The following CAMTA1 variants were observed in gnomAD, a reference collection of about 807,000 sequenced individuals.
CAMTA1 encodes calmodulin-binding transcription activator 1.
A neutral mutation model predicts 170.9 loss-of-function variants in CAMTA1; 27 were observed. The ratio of observed to expected loss-of-function variants is 0.16; its 90% confidence interval spans 0.12 to 0.22. CAMTA1 has a LOEUF of 0.22. CAMTA1 is among the 10% of genes least tolerant of loss of function. CAMTA1 has a pLI of 1.00. For missense variants in CAMTA1, 1,619 were observed against 2,217.2 expected (o/e 0.73, Z 5.42); for synonymous variants, 833 against 891.5 (o/e 0.93, Z 1.17).
At chr1:7,524,060 G>T (rs2094401289) in intron 6 of CAMTA1, among the ~76,000 whole-genome samples, 1 of 151,346 alleles carries the variant, frequency 6.6e-6, no homozygotes, top group Admixed American at 6.6e-5. Flanking sequence ...AAATTAGCTG[G>T]GCATGGTGAT....
chr1:7,521,203 G>T (rs2094360653), intron 6 of CAMTA1, among the ~76,000 whole-genome samples: 1 of 152,110 alleles, frequency 6.6e-6, no homozygotes, highest in South Asian at 2.1e-4. Flanking sequence ...GGTAGACAGG[G>T]TGATTGTTTC....
At chr1:7,277,629 G>GT (rs886681174) in intron 5 of CAMTA1, among the ~76,000 whole-genome samples, 158 of 152,144 alleles carry the variant, frequency 1.0e-3, no homozygotes, top group African/African-American at 3.8e-3. Flanking sequence ...AATAAAAGCA[G>GT]TTTTTTCTTC....
intron 5 of CAMTA1, among the ~76,000 whole-genome samples, chr1:7,332,237 G>A (rs1250751507): frequency 6.6e-6 from 1 of 151,882 alleles, no homozygotes; most frequent in Non-Finnish European, 1.5e-5. Flanking sequence ...GGGAACACAT[G>A]TTTATTTTAT....
chr1:7,139,431 G>A (rs868581450), intron 4 of CAMTA1, among the ~76,000 whole-genome samples: 1 of 151,136 alleles, frequency 6.6e-6, no homozygotes, highest in Non-Finnish European at 1.5e-5. Context: ...AACCCTCTCC[G>A]AGGCTGTGGT....
intron 6 of CAMTA1, among the ~76,000 whole-genome samples, chr1:7,535,116 G>A (rs961879125): frequency 3.3e-5 from 5 of 152,166 alleles, no homozygotes; most frequent in African/African-American, 1.2e-4. Flanking sequence ...CAGCAAGGCC[G>A]GCAGGTCCAT....
chr1:7,223,724 T>C (rs1364961479), intron 4 of CAMTA1, among the ~76,000 whole-genome samples: 1 of 152,210 alleles, frequency 6.6e-6, no homozygotes. Context: ...ATTGCCAGGC[T>C]TATATTTGCT....
intron 5 of CAMTA1, among the ~76,000 whole-genome samples, chr1:7,273,943 C>G (rs1050287407): frequency 6.6e-6 from 1 of 151,974 alleles, no homozygotes; most frequent in Non-Finnish European, 1.5e-5. Flanking sequence ...ATATATATTG[C>G]AAATCCTAGA....
chr1:6,982,681 G>T (rs1311570300), intron 3 of CAMTA1, among the ~76,000 whole-genome samples: 1 of 152,188 alleles, frequency 6.6e-6, no homozygotes, highest in Non-Finnish European at 1.5e-5. Context: ...CACGCAGTTG[G>T]CAGAGCATGG....
At chr1:7,208,333 A>C (rs1305812793) in intron 4 of CAMTA1, among the ~76,000 whole-genome samples, 2 of 152,366 alleles carry the variant, frequency 1.3e-5, no homozygotes, top group East Asian at 3.9e-4. Flanking sequence ...CTTCATTGAA[A>C]ATTCTGCAAT....
intron 4 of CAMTA1, among the ~76,000 whole-genome samples, chr1:7,214,126 C>T (rs61780001): frequency 0.64 from 96,724 of 152,010 alleles, 31,527 homozygotes; most frequent in African/African-American, 0.78. Flanking sequence ...ATATACCCAG[C>T]AATGGGATGG....
chr1:6,920,987 A>T (rs1270242603), intron 3 of CAMTA1, among the ~76,000 whole-genome samples: 1 of 152,214 alleles, frequency 6.6e-6, no homozygotes, highest in East Asian at 1.9e-4. Context: ...TGTCTTGGGG[A>T]CTAACATTCG....
At chr1:7,490,749 T>A (rs1575588328) in intron 6 of CAMTA1, among the ~76,000 whole-genome samples, 1 of 152,302 alleles carries the variant, frequency 6.6e-6, no homozygotes, top group East Asian at 1.9e-4. Context: ...TTTTGAGGTC[T>A]GTGCTAGAAG....
chr1:7,043,204 G>A (rs1400772942), intron 3 of CAMTA1, among the ~76,000 whole-genome samples: 1 of 152,188 alleles, frequency 6.6e-6, no homozygotes, highest in Non-Finnish European at 1.5e-5. Flanking sequence ...GTGCATCGGG[G>A]CCTCACTCAG....
chr1:7,310,644 CTT>C lies in CAMTA1; in HGVS notation c.438+61023_438+61024del, dbSNP rs752527605. 1.5e-3 allele frequency among the ~76,000 whole-genome samples: 90 copies of C among 61,378 alleles called. 3 individuals carry two copies. Among genetic ancestry groups the C allele is most frequent in the African/African-American group, 4.1e-3 (60 of 14,672 alleles). The allele number at this position is 61,378 out of a possible 152,430, so 40.3% of individuals were successfully genotyped here. A position where few individuals can be genotyped will look rare whatever the true frequency, so the allele number is the denominator to read the frequency against. ...TCTTTCTTTCTTTCTTTCTTTCTTT[CTT>C]TTTTCTTTCTTTCTTTCTTTCTTTC... On this transcript the variant is annotated intron_variant, in intron 5 of 22. Transcript: ENST00000303635.
Position 7,547,503 on chromosome 1 carries a change from T to G in CAMTA1, c.510+79602T>G, listed in dbSNP as rs1435118605. 1.3e-5 allele frequency among the ~76,000 whole-genome samples: 2 copies of G among 152,200 alleles called. No homozygotes were observed. The highest frequency in any genetic ancestry group is 4.8e-5 in the African/African-American group (2 of 41,432). ...ACCAAACATATTTTTTTCTTATGAT[T>G]ATTCCCTAAATAAAACAGTATAAGA... On this transcript the variant is annotated intron_variant, in intron 6 of 22. Coordinates refer to ENST00000303635, the MANE Select transcript of CAMTA1 (RefSeq NM_015215.4). The surrounding 1 kb of genome is among the most constrained non-coding windows in gnomAD (Gnocchi z 5.7).
intron 3 of CAMTA1, among the ~76,000 whole-genome samples, chr1:6,927,539 A>G (rs1310748764): frequency 6.6e-6 from 1 of 152,250 alleles, no homozygotes; most frequent in African/African-American, 2.4e-5. Flanking sequence ...GCACTGGACA[A>G]CTGTAAAATC....
intron 5 of CAMTA1, among the ~76,000 whole-genome samples, chr1:7,408,955 C>G (rs74949771): frequency 6.6e-6 from 1 of 152,194 alleles, no homozygotes; most frequent in African/African-American, 2.4e-5. Flanking sequence ...CATATGAAAG[C>G]AACAGAGGCC....
chr1:7,209,441 A>T (rs186236823), intron 4 of CAMTA1, among the ~76,000 whole-genome samples: 3 of 152,322 alleles, frequency 2.0e-5, no homozygotes, highest in Admixed American at 2.0e-4. Flanking sequence ...AGGCTGTGTG[A>T]GTAAAAGGAG....
At chr1:7,636,655 G>A (rs948908995) in intron 6 of CAMTA1, among the ~76,000 whole-genome samples, 3 of 151,760 alleles carry the variant, frequency 2.0e-5, no homozygotes, top group Admixed American at 2.0e-4. Context: ...GTTGCAGTGA[G>A]CCGAGATCAT....
Sources: allele counts gnomAD v4.1 joint callset (sites outside exome capture counted in the v4.1 genomes callset), GRCh38; gene constraint gnomAD v4.1.1; non-coding constraint Gnocchi (gnomAD v3.1); transcripts MANE v1.5; gene names NCBI Gene and HGNC (gene_info 2026-07-23, HGNC 2026-07-21).